The following PTPRQ variants were observed in gnomAD, a reference collection of about 807,000 sequenced individuals.
PTPRQ encodes the protein phosphatidylinositol phosphatase PTPRQ.
In PTPRQ, 199 loss-of-function variants were observed where a neutral mutation model predicts 246.0. The ratio of observed to expected loss-of-function variants is 0.81; its 90% confidence interval spans 0.72 to 0.91. The LOEUF (loss-of-function observed/expected upper bound fraction) is 0.91, where lower values mean the gene tolerates loss of function less well. Ranked by LOEUF, PTPRQ falls within the 40% of genes least tolerant of loss-of-function variation. PTPRQ has a pLI of 0.00. For synonymous variants in PTPRQ, 869 were observed against 853.2 expected (o/e 1.02, Z -0.32); for missense variants, 2,624 against 2,528.4 (o/e 1.04, Z -0.81).
intron 26 of PTPRQ, among the ~76,000 whole-genome samples, chr12:80,596,843 T>C (rs560864273): frequency 6.6e-6 from 1 of 152,184 alleles, no homozygotes; most frequent in African/African-American, 2.4e-5. Context: ...TTTTTGTTCA[T>C]GCCTAGTAAA....
At chr12:80,452,315 T>A (rs1892792260) in intron 3 of PTPRQ, among the ~76,000 whole-genome samples, 1 of 151,860 alleles carries the variant, frequency 6.6e-6, no homozygotes, top group African/African-American at 2.4e-5. Flanking sequence ...TGACTCTTTA[T>A]CCAATTTGCC....
At chr12:80,507,839 T>C (rs568784148) in intron 16 of PTPRQ, among the ~76,000 whole-genome samples, 2 of 152,034 alleles carry the variant, frequency 1.3e-5, no homozygotes, top group African/African-American at 4.8e-5. Flanking sequence ...TCCAAATGAG[T>C]CAATGGTTAA....
intron 25 of PTPRQ, among the ~76,000 whole-genome samples, chr12:80,557,008 T>G (rs1896665291): frequency 6.6e-6 from 1 of 152,174 alleles, no homozygotes; most frequent in Admixed American, 6.5e-5. Context: ...CAGGAACTTG[T>G]GCTAAATTTA....
chr12:80,608,118 T>C (rs1041732720), intron 27 of PTPRQ, among the ~76,000 whole-genome samples: 2 of 149,796 alleles, frequency 1.3e-5, no homozygotes, highest in Admixed American at 6.7e-5. Context: ...GTACACAAGA[T>C]GGGAAAGGGT....
rs1896173936 is a variant in PTPRQ at position 80,542,140 on chromosome 12, C to T, written c.3497C>T (p.Ser1166Leu). 3 of 1,550,850 alleles carry T rather than the reference C, an allele frequency of 1.9e-6. No homozygotes were observed. Among genetic ancestry groups the T allele is most frequent in the Non-Finnish European group, 2.6e-6 (3 of 1,146,636 alleles). The change falls in exon 22 of 45, where the codon TCA becomes TTA. Residue 1166 changes from serine to leucine, a missense_variant. Coordinates refer to ENST00000644991, the MANE Select transcript of PTPRQ (RefSeq NM_001145026.2). ...ACTTTTAAAAACCTTTCCTCTACCTCAGTTCTCTTATCATGGGATCCCCCA... is the reference window on the plus strand; with the variant it reads ...ACTTTTAAAAACCTTTCCTCTACCTTAGTTCTCTTATCATGGGATCCCCCA... ...INTFKNLSSTSVLLSWDPPVK... is the reference protein window; with the variant it reads ...INTFKNLSSTLVLLSWDPPVK...
At chr12:80,534,841 C>T (rs1895940995) in intron 18 of PTPRQ, 51 bp from the exon 19 acceptor site, 20 of 1,513,300 alleles carry the variant, frequency 1.3e-5, no homozygotes, top group Non-Finnish European at 1.8e-5. Context: ...CCATTTCAGA[C>T]ATTACTTGTA....
In PTPRQ at chr12:80,480,491, A is replaced by T. The variant is rs546027127; in HGVS notation, c.1187-3942A>T. 3.7e-3 allele frequency among the ~76,000 whole-genome samples: 551 copies of T among 148,726 alleles called. 2 individuals are homozygous for T. Among genetic ancestry groups the T allele is most frequent in the Non-Finnish European group, 5.8e-3 (393 of 67,306 alleles). The stretch of plus-strand genomic sequence containing the variant: ...AGAAAAGCAAGAGCAAACACATTCA[A>T]AAGCTAGCAGAAGGCAAGAAATAAC... On this transcript the variant is annotated intron_variant, in intron 8 of 44. Coordinates refer to ENST00000644991, the MANE Select transcript of PTPRQ (RefSeq NM_001145026.2).
intron 23 of PTPRQ, among the ~76,000 whole-genome samples, chr12:80,543,239 A>G (rs900585082): frequency 6.6e-6 from 1 of 152,098 alleles, no homozygotes; most frequent in East Asian, 1.9e-4. Flanking sequence ...GAATCTTTTT[A>G]ACCTTTTAGA....
chr12:80,606,489 C>CAGA (rs1230859349), intron 27 of PTPRQ, among the ~76,000 whole-genome samples: 1 of 150,868 alleles, frequency 6.6e-6, no homozygotes, highest in Non-Finnish European at 1.5e-5. Flanking sequence ...GTCAATAATG[C>CAGA]AGAACTGTTA....
At position 80,514,587 on chromosome 12, in the gene PTPRQ, AT is replaced by A. The variant is rs545443893; in HGVS notation, c.2678+4145del. Among the ~76,000 whole-genome samples, 805 of 137,414 alleles carry A rather than the reference AT, an allele frequency of 5.9e-3. 10 individuals are homozygous for A. The highest frequency in any genetic ancestry group is 0.02 in the African/African-American group (765 of 37,580). 90.1% of individuals were successfully genotyped at this position (137,414 alleles called of 152,430 possible). Reference sequence around the variant, plus strand: ...TATATTATACAAATATATATATTATATAATATATATAATATATTTGTATATA... The same window carrying A: ...TATATTATACAAATATATATATTATAAATATATATAATATATTTGTATATA... On this transcript the variant is annotated intron_variant, in intron 17 of 44. Coordinates refer to ENST00000644991, the MANE Select transcript of PTPRQ (RefSeq NM_001145026.2).
Position 80,466,517 on chromosome 12 carries a change from A to G in PTPRQ, c.911-2193A>G, listed in dbSNP as rs986219457. Among the ~76,000 whole-genome samples the G allele has an allele frequency of 3.9e-5, 6 of 152,326 alleles. No homozygotes were observed. The South Asian group carries it at 6.2e-4, about 16-fold the overall frequency. The stretch of plus-strand genomic sequence containing the variant: ...ATTGGAAAAAACTACTTTAAAGTTC[A>G]TATGGAACCAAAAAGGAGCCCGCAT... On this transcript the variant is annotated intron_variant, in intron 6 of 44. Transcript: ENST00000644991.
At chr12:80,583,190 G>A (rs916299776) in intron 25 of PTPRQ, among the ~76,000 whole-genome samples, 1 of 152,072 alleles carries the variant, frequency 6.6e-6, no homozygotes, top group Non-Finnish European at 1.5e-5. Flanking sequence ...TTATACCCTC[G>A]ATTCATTTGC....
intron 43 of PTPRQ, among the ~76,000 whole-genome samples, chr12:80,677,014 T>G (rs1592787228): frequency 6.6e-6 from 1 of 152,236 alleles, no homozygotes; most frequent in East Asian, 1.9e-4. Flanking sequence ...GTATGCTGCT[T>G]TCTTGGCAAT....
chr12:80,478,919 C>T lies in PTPRQ; in HGVS notation c.1187-5514C>T, dbSNP rs531067695. 1.2e-3 allele frequency among the ~76,000 whole-genome samples: 182 copies of T among 152,240 alleles called. 2 individuals carry two copies. The highest frequency in any genetic ancestry group is 4.1e-3 in the African/African-American group (172 of 41,550). ...GTCTGATTGGTGTACCTGAAAGTGA[C>T]GGGGAGAATGCAACCAAGTTGGAAA... On this transcript the variant is annotated intron_variant, in intron 8 of 44. Coordinates refer to ENST00000644991, the MANE Select transcript of PTPRQ (RefSeq NM_001145026.2).
Position 80,484,472 on chromosome 12 carries a change from A to C in PTPRQ, c.1226A>C (p.Glu409Ala), listed in dbSNP as rs1894206277. Residue 409 changes from glutamate to alanine, a missense_variant, in exon 9 of 45, where the codon GAA becomes GCA. By Grantham distance (107) the Glu-to-Ala change is moderately radical. Transcript: ENST00000644991. ...AVFDLQLAEV[E>A]STQVRITWKK... ...TTTGATTTACAACTTGCAGAGGTAG[A>C]ATCCACGCAAGTAAGAATTACTTGG... is the stretch of plus-strand genomic sequence containing the variant. 2 of 1,551,130 alleles carry C rather than the reference A, an allele frequency of 1.3e-6. No individual in the cohort carries two copies. Among genetic ancestry groups the C allele is most frequent in the Non-Finnish European group, 8.7e-7 (1 of 1,146,852 alleles).
At chr12:80,449,262 G>A (rs7958737) in intron 3 of PTPRQ, among the ~76,000 whole-genome samples, 134,467 of 151,074 alleles carry the variant, frequency 0.89, 60,208 homozygotes, top group Non-Finnish European at 0.92. Context: ...TTCATTGTAG[G>A]TTCTGGATAT....
At chr12:80,466,137 T>C (rs984716944) in intron 6 of PTPRQ, among the ~76,000 whole-genome samples, 1 of 152,300 alleles carries the variant, frequency 6.6e-6, no homozygotes. Flanking sequence ...CTCCTTAAGC[T>C]GATAAGCAAT....
chr12:80,494,205 G>A (rs1205394105), intron 10 of PTPRQ, among the ~76,000 whole-genome samples: 1 of 151,868 alleles, frequency 6.6e-6, no homozygotes. Context: ...AAGACTGGAG[G>A]GCAACACTGA....
At chr12:80,613,859 AATT>A (rs959178126) in intron 29 of PTPRQ, 23 bp downstream of exon 29, 1 of 1,471,142 alleles carries the variant, frequency 6.8e-7, no homozygotes, top group Non-Finnish European at 9.0e-7. Context: ...AGCTTCAGTT[AATT>A]ACCCAAATGA....
Sources: gnomAD v4.1 joint callset for allele counts (sites outside exome capture counted in the v4.1 genomes callset) on GRCh38, gnomAD v4.1.1 for gene constraint, MANE v1.5 for transcripts, NCBI Gene and HGNC (gene_info 2026-07-23, HGNC 2026-07-21) for gene names.